PPP1R42: variants seen among roughly 807,000 people sequenced by gnomAD.
The protein encoded by PPP1R42 is protein phosphatase 1 regulatory subunit 42, also known as leucine rich repeat containing 67.
Under a neutral mutation model 31.0 loss-of-function variants are expected in PPP1R42, and 34 were observed. The ratio of observed to expected loss-of-function variants is 1.10; its 90% confidence interval spans 0.83 to 1.46. The LOEUF is 1.46. Among genes scored for constraint, PPP1R42 ranks in the 40% most tolerant of loss-of-function variants. The pLI is 0.00. For missense variants in PPP1R42, 268 were observed against 303.0 expected, an observed-to-expected ratio of 0.88 and a Z score of 0.86; for synonymous variants, 103 against 109.8, an observed-to-expected ratio of 0.94 and a Z score of 0.39.
chr8:66,996,179 T>A (rs1366239739), intron 5 of PPP1R42, among the ~76,000 whole-genome samples: 1 of 152,156 alleles, frequency 6.6e-6, no homozygotes, highest in Non-Finnish European at 1.5e-5. Context: ...GCCTCCCGAA[T>A]GGCTGGGACT....
At chr8:67,006,385 A>G (rs1279236202) in intron 5 of PPP1R42, among the ~76,000 whole-genome samples, 4 of 152,122 alleles carry the variant, frequency 2.6e-5, no homozygotes, top group Non-Finnish European at 5.9e-5. Flanking sequence ...GGTGAATCAC[A>G]GTTCACTGCT....
At chr8:66,999,178 C>T (rs1815414311) in intron 5 of PPP1R42, among the ~76,000 whole-genome samples, 1 of 152,112 alleles carries the variant, frequency 6.6e-6, no homozygotes, top group South Asian at 2.1e-4. Context: ...CCACCTCAGC[C>T]TCCTGTGTAG....
chr8:66,978,034 G>C (rs184589752), intron 7 of PPP1R42, among the ~76,000 whole-genome samples: 154 of 152,268 alleles, frequency 1.0e-3, no homozygotes, highest in African/African-American at 3.4e-3. Flanking sequence ...GTGTATAAGA[G>C]AGCTCCCTTT....
intron 5 of PPP1R42, among the ~76,000 whole-genome samples, chr8:67,007,178 G>A (rs1430374363): frequency 1.3e-5 from 2 of 151,900 alleles, no homozygotes; most frequent in Non-Finnish European, 1.5e-5. Context: ...GTGCCTGGCC[G>A]AGGGTAGAGA....
At chr8:67,003,181 A>AG (rs1321643173) in intron 5 of PPP1R42, among the ~76,000 whole-genome samples, 2 of 150,736 alleles carry the variant, frequency 1.3e-5, no homozygotes, top group African/African-American at 4.9e-5. Context: ...AAAAAAAAAA[A>AG]AAAAAGAAAA....
chr8:67,005,453 T>C (rs1208682653), intron 5 of PPP1R42, among the ~76,000 whole-genome samples: 1 of 152,208 alleles, frequency 6.6e-6, no homozygotes, highest in Non-Finnish European at 1.5e-5. Flanking sequence ...TTAAATATCA[T>C]GTAAATGCTG....
At chr8:67,007,725 T>C (rs1171242871) in intron 5 of PPP1R42, among the ~76,000 whole-genome samples, 2 of 152,160 alleles carry the variant, frequency 1.3e-5, no homozygotes, top group Non-Finnish European at 1.5e-5. Context: ...CCATGAATTA[T>C]TCCTTTGTCC....
Position 66,964,298 on chromosome 8 carries a change from T to G in PPP1R42, c.*23A>C, listed in dbSNP as rs1205167235. The G allele has an allele frequency of 5.5e-6, 7 of 1,280,072 alleles. No homozygotes were observed. The highest frequency in any genetic ancestry group is 7.1e-6 in the Non-Finnish European group (7 of 985,260). 79.3% of individuals were successfully genotyped at this position (1,280,072 alleles called of 1,614,324 possible). ...GGTGAGGTTCATGCACATCATTTTT[T>G]GTCAGCAAGCTTTCAGATTGCTTCA... On this transcript the variant is annotated 3_prime_UTR_variant, in exon 8 of 8. Transcript: ENST00000685739.
chr8:66,979,025 G>T (rs541984209), intron 7 of PPP1R42, among the ~76,000 whole-genome samples: 1 of 152,164 alleles, frequency 6.6e-6, no homozygotes, highest in South Asian at 2.1e-4. Context: ...ACTCTTGATT[G>T]TTCCCTTTGC....
In PPP1R42 at chr8:66,971,100, G is replaced by A. The variant is rs188661343; in HGVS notation, c.803-6766C>T. Reference sequence around the variant, plus strand: ...CTAATTTTGGCTTACCCACCTGTGGGTAATAAACAGGAACTATATGATGCA... The same window carrying A: ...CTAATTTTGGCTTACCCACCTGTGGATAATAAACAGGAACTATATGATGCA... On this transcript the variant is annotated intron_variant, in intron 7 of 7. Coordinates refer to ENST00000685739, the MANE Select transcript of PPP1R42 (RefSeq NM_001364910.1). The A allele has an allele frequency of 2.3e-4, 351 of 1,533,300 alleles. 1 individual carries two copies. In the African/African-American group the frequency reaches 4.5e-3, roughly 20 times the overall value. The allele number at this position is 1,533,300 out of a possible 1,614,324, so 95.0% of individuals were successfully genotyped here.
chr8:67,016,604 A>T (rs1435646328), intron 2 of PPP1R42, among the ~76,000 whole-genome samples: 1 of 152,140 alleles, frequency 6.6e-6, no homozygotes, highest in Non-Finnish European at 1.5e-5. Flanking sequence ...TCACTGTTAA[A>T]CTCTTTTTTT....
intron 1 of PPP1R42, among the ~76,000 whole-genome samples, chr8:67,019,067 C>T (rs1193206684): frequency 6.7e-6 from 1 of 149,124 alleles, no homozygotes; most frequent in Non-Finnish European, 1.5e-5. Flanking sequence ...AACTCCTGAG[C>T]TCAGGCAATT....
intron 3 of PPP1R42, 48 bp from the exon 4 acceptor site, chr8:67,013,144 G>A: frequency 6.8e-7 from 1 of 1,468,880 alleles, no homozygotes; most frequent in South Asian, 1.4e-5. Context: ...AGAATGTCAT[G>A]GTCTTTATTA....
At chr8:67,008,707 CAAAAAAAAA>C (rs764674038) in intron 5 of PPP1R42, among the ~76,000 whole-genome samples, 1 of 72,294 alleles carries the variant, frequency 1.4e-5, no homozygotes, top group Admixed American at 1.5e-4. Context: ...GACTCTGTCT[CAAAAAAAAA>C]AAAAAAAAAG....
At position 67,006,717 on chromosome 8, in the gene PPP1R42, G is replaced by A. The variant is rs1378891601; in HGVS notation, c.552+3998C>T. ...ATTTCCTCCCTTGTCCCTCTGTAAA[G>A]TAAACGCCTTGAGGGTAGAGGCTTT... is the stretch of plus-strand genomic sequence containing the variant. On this transcript the variant is annotated intron_variant, in intron 5 of 7. Transcript: ENST00000685739. 2.2e-5 allele frequency among the ~76,000 whole-genome samples: 3 copies of A among 135,736 alleles called. No homozygotes were observed. In the East Asian group the frequency reaches 7.0e-4, roughly 32 times the overall value. The allele number at this position is 135,736 out of a possible 152,430, so 89.0% of individuals were successfully genotyped here.
At chr8:66,973,545 A>G (rs954871523) in intron 7 of PPP1R42, among the ~76,000 whole-genome samples, 5 of 152,318 alleles carry the variant, frequency 3.3e-5, no homozygotes, top group Non-Finnish European at 2.9e-5. Context: ...ACCTCAAGTG[A>G]TCTGCCTGCC....
intron 3 of PPP1R42, among the ~76,000 whole-genome samples, chr8:67,013,806 C>T (rs1815917693): frequency 6.6e-6 from 1 of 152,170 alleles, no homozygotes; most frequent in Admixed American, 6.5e-5. Context: ...GAACCCAGTG[C>T]TCTGCATTTT....
intron 5 of PPP1R42, 66 bp downstream of exon 5, chr8:67,010,649 T>C: frequency 9.0e-7 from 1 of 1,113,156 alleles, no homozygotes; most frequent in Non-Finnish European, 1.3e-6. Context: ...TTTATAGCTA[T>C]TACAAAACAT....
At position 66,988,390 on chromosome 8, in the gene PPP1R42, A is replaced by G; in HGVS notation, c.670+10T>C. ...ATTCTCTTAAAAATTATATTAATATAAATATGTACCCAGTGATTTGGACAC... is the reference window on the plus strand; with the variant it reads ...ATTCTCTTAAAAATTATATTAATATGAATATGTACCCAGTGATTTGGACAC... On this transcript the variant is annotated intron_variant, in intron 6 of 7. Transcript: ENST00000685739. The G allele has an allele frequency of 2.1e-6, 3 of 1,431,676 alleles. No homozygotes were observed. The highest frequency in any genetic ancestry group is 1.8e-6 in the Non-Finnish European group (2 of 1,092,036). 88.7% of individuals were successfully genotyped at this position (1,431,676 alleles called of 1,614,324 possible).
Sources: gnomAD v4.1 joint callset for allele counts (sites outside exome capture counted in the v4.1 genomes callset) on GRCh38, gnomAD v4.1.1 for gene constraint, MANE v1.5 for transcripts, NCBI Gene and HGNC (gene_info 2026-07-23, HGNC 2026-07-21) for gene names.